ADK: variants seen among roughly 807,000 people sequenced by gnomAD.
ADK encodes N6,N6-dimethyladenosine kinase.
A neutral mutation model predicts 44.7 loss-of-function variants in ADK; 24 were observed. That is an observed-to-expected ratio of 0.54 (90% CI 0.39 to 0.76). The LOEUF is 0.76. Ranked by LOEUF, ADK falls within the 30% of genes least tolerant of loss-of-function variation. ADK has a pLI of 0.00. For synonymous variants in ADK, 128 were observed against 142.6 expected, an observed-to-expected ratio of 0.90 and a Z score of 0.73; for missense variants, 321 against 425.1, an observed-to-expected ratio of 0.76 and a Z score of 2.15.
At chr10:74,613,713 G>C (rs184870947) in intron 9 of ADK, among the ~76,000 whole-genome samples, 1 of 152,038 alleles carries the variant, frequency 6.6e-6, no homozygotes, top group East Asian at 1.9e-4. Flanking sequence ...TTGCAATTCT[G>C]GTAGACGTAA....
chr10:74,438,479 C>T (rs1845269094), intron 6 of ADK, among the ~76,000 whole-genome samples: 2 of 152,014 alleles, frequency 1.3e-5, no homozygotes, highest in Admixed American at 1.3e-4. Context: ...ATCCCTCCGC[C>T]TCAGCCTCCC....
chr10:74,452,392 G>C (rs1347150005), intron 6 of ADK, among the ~76,000 whole-genome samples: 1 of 152,036 alleles, frequency 6.6e-6, no homozygotes, highest in South Asian at 2.1e-4. Context: ...CTAATTGATT[G>C]ACACATATGA....
At chr10:74,685,969 T>G (rs911952759) in intron 10 of ADK, among the ~76,000 whole-genome samples, 8 of 152,064 alleles carry the variant, frequency 5.3e-5, no homozygotes, top group Admixed American at 2.0e-4. Context: ...TTGTTTGTTT[T>G]GGTTTTTTTT....
At chr10:74,541,789 C>CAA (rs1849637048) in intron 7 of ADK, among the ~76,000 whole-genome samples, 1 of 61,756 alleles carries the variant, frequency 1.6e-5, no homozygotes, top group Non-Finnish European at 3.9e-5. Context: ...CGAGAACCCC[C>CAA]ACACACCCCC....
At chr10:74,254,210 A>G (rs1845745438) in intron 3 of ADK, among the ~76,000 whole-genome samples, 1 of 152,200 alleles carries the variant, frequency 6.6e-6, no homozygotes. Context: ...AGCATTATAG[A>G]GATAGATTAG....
At chr10:74,206,483 A>G (rs1293257533) in intron 2 of ADK, among the ~76,000 whole-genome samples, 1 of 152,224 alleles carries the variant, frequency 6.6e-6, no homozygotes, top group Non-Finnish European at 1.5e-5. Flanking sequence ...TCAGATGACA[A>G]CAGGCAGTTT....
intron 6 of ADK, among the ~76,000 whole-genome samples, chr10:74,441,334 C>T (rs1845399610): frequency 1.3e-5 from 2 of 152,268 alleles, no homozygotes; most frequent in Non-Finnish European, 2.9e-5. Context: ...GAAATATTGG[C>T]AGTTCCTCAA....
chr10:74,255,265 C>T (rs1845785707), intron 3 of ADK, among the ~76,000 whole-genome samples: 1 of 151,916 alleles, frequency 6.6e-6, no homozygotes, highest in African/African-American at 2.4e-5. Flanking sequence ...CCTTTAATCC[C>T]CAAATCACCA....
At chr10:74,235,449 A>T (rs1175793828) in intron 3 of ADK, among the ~76,000 whole-genome samples, 1 of 152,100 alleles carries the variant, frequency 6.6e-6, no homozygotes, top group East Asian at 1.9e-4. Context: ...GACTACAGGT[A>T]TGTGCCACCA....
chr10:74,258,923 T>TTTG (rs1358194267), intron 3 of ADK, among the ~76,000 whole-genome samples: 5 of 150,834 alleles, frequency 3.3e-5, no homozygotes, highest in African/African-American at 1.2e-4. Context: ...GAATATCTTT[T>TTTG]TTGTTGTTGT....
At chr10:74,648,885 G>T (rs942869791) in intron 9 of ADK, among the ~76,000 whole-genome samples, 4 of 151,798 alleles carry the variant, frequency 2.6e-5, no homozygotes, top group Admixed American at 2.6e-4. Flanking sequence ...TAACCACTAA[G>T]AAAATAAGAA....
At position 74,661,040 on chromosome 10, in the gene ADK, A is replaced by T. The variant is rs1165584104; in HGVS notation, c.878-9143A>T. 2.6e-5 allele frequency among the ~76,000 whole-genome samples: 4 copies of T among 152,250 alleles called. No individual in the cohort carries two copies. The East Asian group carries it at 7.7e-4, about 29-fold the overall frequency. Reference sequence around the variant, plus strand: ...GAGCAAGACTCTGTCTCAAAGAAAAAAAAAAGGAAAAAGGAGAATTTAATC... The same window carrying T: ...GAGCAAGACTCTGTCTCAAAGAAAATAAAAAGGAAAAAGGAGAATTTAATC... On this transcript the variant is annotated intron_variant, in intron 9 of 10. Transcript: ENST00000539909.
intron 6 of ADK, among the ~76,000 whole-genome samples, chr10:74,410,198 C>G (rs1332698354): frequency 6.6e-6 from 1 of 151,572 alleles, no homozygotes; most frequent in Non-Finnish European, 1.5e-5. Flanking sequence ...CATGGTTACA[C>G]TAAAACGTGA....
intron 3 of ADK, among the ~76,000 whole-genome samples, chr10:74,291,533 A>G (rs956716847): frequency 6.6e-6 from 1 of 152,196 alleles, no homozygotes; most frequent in Non-Finnish European, 1.5e-5. Context: ...AGGTAAGTGG[A>G]AAGCAAGCAT....
Position 74,578,441 on chromosome 10 carries a change from AT to A in ADK, c.727-10833del, listed in dbSNP as rs1157380797. On this transcript the variant is annotated intron_variant, in intron 7 of 10. Transcript: ENST00000539909. ...AGCCACCATGTCCAGCCTAGCAAAC[AT>A]TTTTTTTAATGAAAGTCCAAGTAGT... is the stretch of plus-strand genomic sequence containing the variant. Among the ~76,000 whole-genome samples, 9 of 151,950 alleles carry A rather than the reference AT, an allele frequency of 5.9e-5. No homozygotes were observed. The East Asian group carries it at 9.7e-4, about 16-fold the overall frequency.
intron 4 of ADK, among the ~76,000 whole-genome samples, chr10:74,393,139 T>C (rs1455669117): frequency 1.3e-5 from 2 of 152,156 alleles, no homozygotes; most frequent in Non-Finnish European, 2.9e-5. Flanking sequence ...CCTCTCCTCA[T>C]CCTTTTACCT....
rs77815143 is a variant in ADK at position 74,462,455 on chromosome 10, G to T, written c.556-62801G>T. ...TTGAAATATTTGTGTGTATATGTGT[G>T]TGTGTGTACACAAGCCACATTTTCT... is the stretch of plus-strand genomic sequence containing the variant. On this transcript the variant is annotated intron_variant, in intron 6 of 10. Transcript: ENST00000539909. Among the ~76,000 whole-genome samples, 852 of 152,218 alleles carry T rather than the reference G, an allele frequency of 5.6e-3. 11 individuals carry two copies. Among genetic ancestry groups the T allele is most frequent in the African/African-American group, 0.02 (817 of 41,542 alleles).
intron 9 of ADK, chr10:74,655,532 G>A: frequency 2.0e-6 from 1 of 502,084 alleles, no homozygotes; most frequent in Admixed American, 2.3e-5. Context: ...AGAAAACAAT[G>A]AACCAGATGT....
chr10:74,648,621 T>C (rs768804599), intron 9 of ADK, among the ~76,000 whole-genome samples: 1 of 149,750 alleles, frequency 6.7e-6, no homozygotes, highest in Non-Finnish European at 1.5e-5. Flanking sequence ...GAGGTTGCAG[T>C]GAGCCGAGAT....
Sources: allele counts gnomAD v4.1 joint callset (sites outside exome capture counted in the v4.1 genomes callset), GRCh38; gene constraint gnomAD v4.1.1; transcripts MANE v1.5; gene names NCBI Gene and HGNC (gene_info 2026-07-23, HGNC 2026-07-21).